VAT1L: variants seen among roughly 807,000 people sequenced by gnomAD.
VAT1L encodes vesicle amine transport 1 like.
VAT1L carries 34 observed loss-of-function variants against 44.1 expected under a neutral mutation model. That is an observed-to-expected ratio of 0.77 (90% CI 0.59 to 1.03). The LOEUF (loss-of-function observed/expected upper bound fraction) is 1.03. VAT1L is among the 50% of genes least tolerant of loss of function. The pLI, the probability that VAT1L is intolerant of heterozygous loss-of-function variation, is 0.00. For synonymous variants in VAT1L, 253 were observed against 202.2 expected (o/e 1.25, Z -2.13); for missense variants, 615 against 538.8 (o/e 1.14, Z -1.40).
intron 6 of VAT1L, among the ~76,000 whole-genome samples, chr16:77,880,299 GGT>G (rs764739376): frequency 1.3e-5 from 2 of 152,146 alleles, no homozygotes; most frequent in African/African-American, 2.4e-5. Flanking sequence ...TGGGATTACA[GGT>G]GTGTGCCACT....
chr16:77,808,611 T>C (rs1358206671), intron 1 of VAT1L, among the ~76,000 whole-genome samples: 1 of 152,116 alleles, frequency 6.6e-6, no homozygotes, highest in African/African-American at 2.4e-5. Context: ...TTTGTTTTTT[T>C]TGAATCAGAG....
At position 77,978,983 on chromosome 16, in the gene VAT1L, T is replaced by G. The variant is rs1382332613; in HGVS notation, c.*1288T>G. 1 of 152,222 alleles carries G rather than the reference T, an allele frequency of 6.6e-6. No homozygotes were observed. The highest frequency in any genetic ancestry group is 1.5e-5 in the Non-Finnish European group (1 of 68,036). 9.4% of individuals were successfully genotyped at this position (152,222 alleles called of 1,614,324 possible). On this transcript the variant is annotated 3_prime_UTR_variant, in exon 9 of 9. Transcript: ENST00000302536. Reference sequence around the variant, plus strand: ...TATCACTCACAAACAAATGTGGAGATACCAGGAGCTCATTTGATTCATACC... The same window carrying G: ...TATCACTCACAAACAAATGTGGAGAGACCAGGAGCTCATTTGATTCATACC...
chr16:77,940,493 G>A (rs1451627913), intron 7 of VAT1L, among the ~76,000 whole-genome samples: 2 of 151,850 alleles, frequency 1.3e-5, no homozygotes, highest in Non-Finnish European at 2.9e-5. Flanking sequence ...ACAGGCACGT[G>A]CTACCATGCC....
At chr16:77,927,282 G>A (rs901165076) in intron 7 of VAT1L, among the ~76,000 whole-genome samples, 2 of 150,726 alleles carry the variant, frequency 1.3e-5, no homozygotes, top group Non-Finnish European at 2.9e-5. Context: ...AGCTTGCAGT[G>A]AGCCGAGATC....
chr16:77,819,720 A>C (rs1428326671), intron 2 of VAT1L, among the ~76,000 whole-genome samples: 1 of 152,054 alleles, frequency 6.6e-6, no homozygotes, highest in Non-Finnish European at 1.5e-5. Flanking sequence ...ATTGGTCTTC[A>C]CCCCTTCCGG....
At chr16:77,938,392 C>T (rs1164538831) in intron 7 of VAT1L, among the ~76,000 whole-genome samples, 1 of 152,224 alleles carries the variant, frequency 6.6e-6, no homozygotes, top group Non-Finnish European at 1.5e-5. Context: ...TTATAGTCTA[C>T]TGTGTGGGTG....
intron 7 of VAT1L, among the ~76,000 whole-genome samples, chr16:77,918,342 G>A (rs1440947382): frequency 1.3e-5 from 2 of 152,098 alleles, no homozygotes; most frequent in Admixed American, 6.5e-5. Flanking sequence ...GGAAACCAAG[G>A]TAGAAAGTTC....
chr16:77,808,789 G>A (rs963311069), intron 1 of VAT1L, among the ~76,000 whole-genome samples: 1 of 152,080 alleles, frequency 6.6e-6, no homozygotes, highest in Admixed American at 6.5e-5. Context: ...TAGAGATGAT[G>A]TTTTTCCATG....
chr16:77,954,964 G>C (rs746646681), intron 7 of VAT1L, among the ~76,000 whole-genome samples: 3 of 152,180 alleles, frequency 2.0e-5, no homozygotes, highest in Non-Finnish European at 4.4e-5. Context: ...AATGCAGGCA[G>C]TCTTTAATTT....
intron 1 of VAT1L, among the ~76,000 whole-genome samples, chr16:77,799,141 TTTGA>T (rs1406407008): frequency 6.6e-6 from 1 of 152,094 alleles, no homozygotes; most frequent in African/African-American, 2.4e-5. Flanking sequence ...AAGGAAGGAC[TTTGA>T]TTGGTCCTTT....
At chr16:77,802,651 CACACACACACACACACACT>C (rs1169002120) in intron 1 of VAT1L, among the ~76,000 whole-genome samples, 6 of 147,776 alleles carry the variant, frequency 4.1e-5, no homozygotes, top group East Asian at 2.0e-4. Flanking sequence ...CACACACACA[CACACACACACACACACACT>C]AAAGTTGCAT....
intron 3 of VAT1L, among the ~76,000 whole-genome samples, chr16:77,829,242 G>A (rs896396507): frequency 3.3e-5 from 5 of 152,206 alleles, no homozygotes; most frequent in East Asian, 1.9e-4. Flanking sequence ...TCCAAAAGAC[G>A]GGCCCAGGTA....
chr16:77,910,601 G>C lies in VAT1L; in HGVS notation c.1077+25799G>C, dbSNP rs2017489282. Among the ~76,000 whole-genome samples, 3 of 151,202 alleles carry C rather than the reference G, an allele frequency of 2.0e-5. No individual in the cohort carries two copies. In the South Asian group the frequency reaches 6.3e-4, roughly 32 times the overall value. ...AGGCAGGAGAATTGCATGAACCCGG[G>C]AGGTGGAGCTTGCATTGAGCCGAGA... On this transcript the variant is annotated intron_variant, in intron 7 of 8. Coordinates refer to ENST00000302536, the MANE Select transcript of VAT1L (RefSeq NM_020927.3).
intron 4 of VAT1L, among the ~76,000 whole-genome samples, chr16:77,864,959 TTCTTA>T (rs994854753): frequency 2.0e-5 from 3 of 150,404 alleles, no homozygotes; most frequent in African/African-American, 7.4e-5. Context: ...CAGGTAATTC[TTCTTA>T]TCCTTTTTTT....
chr16:77,802,037 G>C (rs2016065904), intron 1 of VAT1L, among the ~76,000 whole-genome samples: 1 of 152,168 alleles, frequency 6.6e-6, no homozygotes, highest in Non-Finnish European at 1.5e-5. Flanking sequence ...CCCCGGAGGA[G>C]AGACAGACAG....
chr16:77,847,806 C>T (rs2016772099), intron 3 of VAT1L, among the ~76,000 whole-genome samples: 1 of 152,094 alleles, frequency 6.6e-6, no homozygotes, highest in African/African-American at 2.4e-5. Flanking sequence ...TGTAATCTTG[C>T]CTGCATTTTT....
At chr16:77,956,004 T>G (rs2018099975) in intron 7 of VAT1L, among the ~76,000 whole-genome samples, 1 of 152,178 alleles carries the variant, frequency 6.6e-6, no homozygotes, top group African/African-American at 2.4e-5. Flanking sequence ...GGGTAAGACC[T>G]GTTTGATAGC....
chr16:77,894,604 TGG>T (rs2017301711), intron 7 of VAT1L, among the ~76,000 whole-genome samples: 1 of 152,150 alleles, frequency 6.6e-6, no homozygotes, highest in African/African-American at 2.4e-5. Flanking sequence ...CATTTCTTTT[TGG>T]AGAGATAAAA....
In VAT1L at chr16:77,795,105, T is replaced by C. The variant is rs546331637; in HGVS notation, c.233+6190T>C. ...AGCATCTTACCCCCTGAGAATACTT[T>C]GATCTATCAGTAGAGAAGCCTTTGT... On this transcript the variant is annotated intron_variant, in intron 1 of 8. Transcript: ENST00000302536. Among the ~76,000 whole-genome samples the C allele has an allele frequency of 2.6e-5, 4 of 152,314 alleles. No homozygotes were observed. In the South Asian group the frequency reaches 6.2e-4, roughly 24 times the overall value.
Sources: gnomAD v4.1 joint callset for allele counts (sites outside exome capture counted in the v4.1 genomes callset) on GRCh38, gnomAD v4.1.1 for gene constraint, MANE v1.5 for transcripts, NCBI Gene and HGNC (gene_info 2026-07-23, HGNC 2026-07-21) for gene names.